Variants in TANC1 observed in about 807,000 individuals in gnomAD.
TANC1 encodes tetratricopeptide repeat, ankyrin repeat and coiled-coil containing 1, also known as protein TANC1.
Under a neutral mutation model 149.7 loss-of-function variants are expected in TANC1, and 77 were observed. That is an observed-to-expected ratio of 0.51 (90% CI 0.43 to 0.62). The LOEUF is 0.62. Among genes scored for constraint, TANC1 ranks in the 20% least tolerant of loss-of-function variants. TANC1 has a pLI of 0.00. For synonymous variants in TANC1, 854 were observed against 925.0 expected, an observed-to-expected ratio of 0.92 and a Z score of 1.39; for missense variants, 1,985 against 2,321.8, an observed-to-expected ratio of 0.85 and a Z score of 2.98.
intron 2 of TANC1, among the ~76,000 whole-genome samples, chr2:159,061,979 T>C (rs2042267239): frequency 6.6e-6 from 1 of 152,196 alleles, no homozygotes; most frequent in Non-Finnish European, 1.5e-5. Flanking sequence ...AGTTCACACC[T>C]GTAATCCCAG....
At chr2:159,184,870 T>C (rs2056828644) in intron 14 of TANC1, among the ~76,000 whole-genome samples, 1 of 152,202 alleles carries the variant, frequency 6.6e-6, no homozygotes, top group African/African-American at 2.4e-5. Flanking sequence ...AACTGATTCC[T>C]TGGCCTCCAT....
intron 7 of TANC1, 83 bp from the exon 8 acceptor site, chr2:159,163,200 T>G: frequency 2.9e-6 from 4 of 1,373,186 alleles, no homozygotes; most frequent in Non-Finnish European, 4.0e-6. Flanking sequence ...CCATTGATCC[T>G]GGGGAGGGCA....
intron 2 of TANC1, among the ~76,000 whole-genome samples, chr2:159,045,834 T>C (rs897030556): frequency 6.6e-6 from 1 of 152,192 alleles, no homozygotes; most frequent in African/African-American, 2.4e-5. Flanking sequence ...TCACTTAAAA[T>C]TGCATGCGAT....
intron 12 of TANC1, among the ~76,000 whole-genome samples, chr2:159,176,017 C>T (rs918509248): frequency 5.3e-5 from 8 of 152,132 alleles, no homozygotes; most frequent in Admixed American, 5.2e-4. Flanking sequence ...GTGACCTTTC[C>T]GGATTGGGCC....
intron 13 of TANC1, among the ~76,000 whole-genome samples, chr2:159,176,858 T>C (rs1041322266): frequency 6.6e-6 from 1 of 151,682 alleles, no homozygotes; most frequent in Non-Finnish European, 1.5e-5. Context: ...TTTGCAAGGG[T>C]TTACTGTGGG....
chr2:159,088,618 C>T (rs1233849854), intron 3 of TANC1, among the ~76,000 whole-genome samples: 2 of 152,194 alleles, frequency 1.3e-5, no homozygotes, highest in Non-Finnish European at 2.9e-5. Flanking sequence ...TCACATGAGG[C>T]CCAGGACGGC....
intron 19 of TANC1, among the ~76,000 whole-genome samples, chr2:159,201,446 CT>C (rs1405182003): frequency 6.6e-6 from 1 of 152,334 alleles, no homozygotes; most frequent in East Asian, 1.9e-4. Context: ...AGTCCTGGTT[CT>C]CACCAAGGCT....
intron 23 of TANC1, 41 bp downstream of exon 23, chr2:159,224,405 G>C (rs781335993): frequency 6.2e-7 from 1 of 1,612,838 alleles, no homozygotes; most frequent in Non-Finnish European, 8.5e-7. Flanking sequence ...GGAGCGGTGA[G>C]CTCCCGATTG....
intron 14 of TANC1, among the ~76,000 whole-genome samples, chr2:159,181,682 A>G (rs772450169): frequency 1.3e-5 from 2 of 152,182 alleles, no homozygotes; most frequent in East Asian, 1.9e-4. Flanking sequence ...TCTGGATTCA[A>G]ATCTTCCATT....
chr2:159,106,768 A>G lies in TANC1; in HGVS notation c.259+8934A>G, dbSNP rs996182707. ...AAATTATTTTTTAAGTGGCTGTACT[A>G]TTTTATATCACTACCAGCTGAGTAT... is the stretch of plus-strand genomic sequence containing the variant. On this transcript the variant is annotated intron_variant, in intron 4 of 26. Transcript: ENST00000263635. 9.2e-5 allele frequency among the ~76,000 whole-genome samples: 14 copies of G among 152,286 alleles called. No homozygotes were observed. In the East Asian group the frequency reaches 2.7e-3, roughly 29 times the overall value.
intron 5 of TANC1, among the ~76,000 whole-genome samples, chr2:159,139,250 C>T (rs2051106408): frequency 6.6e-6 from 1 of 152,202 alleles, no homozygotes; most frequent in South Asian, 2.1e-4. Flanking sequence ...CACCTGGAAA[C>T]ATCTTTAGGA....
At position 159,015,465 on chromosome 2, in the gene TANC1, C is replaced by A. The variant is rs939997350; in HGVS notation, c.-16+14276C>A. Among the ~76,000 whole-genome samples, 3 of 152,224 alleles carry A rather than the reference C, an allele frequency of 2.0e-5. No homozygotes were observed. The South Asian group carries it at 6.2e-4, about 32-fold the overall frequency. On this transcript the variant is annotated intron_variant, in intron 2 of 26. Transcript: ENST00000263635. The stretch of plus-strand genomic sequence containing the variant: ...CTGCCATGAAGACCTCTGATATGCA[C>A]TGGAGACATTTTCCCCATTGTCTTG...
chr2:159,037,203 G>A (rs2040260707), intron 2 of TANC1, among the ~76,000 whole-genome samples: 1 of 152,062 alleles, frequency 6.6e-6, no homozygotes, highest in Non-Finnish European at 1.5e-5. Context: ...CTTTTTGATG[G>A]GGTTGTTTGA....
At chr2:159,086,604 G>A (rs563656579) in intron 3 of TANC1, among the ~76,000 whole-genome samples, 9 of 152,150 alleles carry the variant, frequency 5.9e-5, no homozygotes, top group Admixed American at 5.2e-4. Flanking sequence ...CAGCTTGCAG[G>A]GGAACCTCTG....
Position 159,229,643 on chromosome 2 carries a change from T to A in TANC1, c.4217T>A (p.Val1406Asp). 1 of 1,613,778 alleles carries A rather than the reference T, an allele frequency of 6.2e-7. No homozygotes were observed. The highest frequency in any genetic ancestry group is 1.3e-5 in the African/African-American group (1 of 74,948). The change falls in exon 27 of 27, where the codon GTC becomes GAC. Residue 1406 changes from valine to aspartate, a missense_variant. Physicochemically the swap from Val to Asp is radical, Grantham distance 152 (BLOSUM62 -3). Coordinates refer to ENST00000263635, the MANE Select transcript of TANC1 (RefSeq NM_033394.3). ...AVKLCPTNQE[V>D]KRLLARVEEE... ...AAACTCTGTCCCACCAATCAGGAAG[T>A]CAAGAGGCTTCTGGCCCGCGTAGAA...
At chr2:159,005,196 T>G (rs1245582210) in intron 2 of TANC1, among the ~76,000 whole-genome samples, 1 of 152,170 alleles carries the variant, frequency 6.6e-6, no homozygotes, top group African/African-American at 2.4e-5. Flanking sequence ...CACGTTACAG[T>G]GCTGCAGAGA....
At chr2:159,222,064 C>CA (rs1185066762) in intron 22 of TANC1, among the ~76,000 whole-genome samples, 2 of 152,272 alleles carry the variant, frequency 1.3e-5, no homozygotes, top group South Asian at 2.1e-4. Flanking sequence ...GCAGCGCTGT[C>CA]AGAGTTCAAT....
intron 2 of TANC1, among the ~76,000 whole-genome samples, chr2:159,051,450 A>C (rs190392360): frequency 1.1e-4 from 17 of 152,354 alleles, no homozygotes; most frequent in Non-Finnish European, 2.2e-4. Flanking sequence ...GTTTCACTGC[A>C]GAGTTACTAA....
At chr2:158,991,948 T>G (rs980595736) in intron 1 of TANC1, among the ~76,000 whole-genome samples, 2 of 152,322 alleles carry the variant, frequency 1.3e-5, no homozygotes, top group African/African-American at 4.8e-5. Context: ...ACCTTTCACA[T>G]ACATTATTTC....
Sources: gnomAD v4.1 joint callset for allele counts (sites outside exome capture counted in the v4.1 genomes callset) on GRCh38, gnomAD v4.1.1 for gene constraint, MANE v1.5 for transcripts, NCBI Gene and HGNC (gene_info 2026-07-23, HGNC 2026-07-21) for gene names.